Variants in CSTA observed in about 807,000 individuals in gnomAD.
CSTA encodes the protein cystatin-A.
Under a neutral mutation model 9.2 loss-of-function variants are expected in CSTA, and 9 were observed. That is an observed-to-expected ratio of 0.97 (90% CI 0.59 to 1.70). The LOEUF (loss-of-function observed/expected upper bound fraction) is 1.70. Among genes scored for constraint, CSTA ranks in the 40% most tolerant of loss-of-function variants. The pLI is 0.00. For missense variants in CSTA, 118 were observed against 113.1 expected (o/e 1.04, Z -0.20); for synonymous variants, 36 against 40.6 (o/e 0.89, Z 0.43).
chr3:122,334,805 T>C (rs2075227247), intron 1 of CSTA, among the ~76,000 whole-genome samples: 1 of 152,190 alleles, frequency 6.6e-6, no homozygotes, highest in Admixed American at 6.5e-5. Flanking sequence ...CTGAGCAGTC[T>C]AAACAGAAGC....
intron 2 of CSTA, among the ~76,000 whole-genome samples, chr3:122,338,829 A>G (rs1030015357): frequency 6.6e-6 from 1 of 152,224 alleles, no homozygotes; most frequent in African/African-American, 2.4e-5. Context: ...TAAATTTCAC[A>G]TATTACCAGC....
At chr3:122,337,670 T>C (rs1472103014) in intron 2 of CSTA, 22 bp downstream of exon 2, 2 of 1,392,180 alleles carry the variant, frequency 1.4e-6, no homozygotes, top group Admixed American at 1.7e-5. Context: ...GCACCTACTT[T>C]AGCGCCAAAA....
chr3:122,340,032 T>C (rs778597330), intron 2 of CSTA, among the ~76,000 whole-genome samples: 30 of 152,220 alleles, frequency 2.0e-4, no homozygotes, highest in Non-Finnish European at 3.8e-4. Flanking sequence ...TTCAGGCCTA[T>C]AATATAGGTT....
intron 1 of CSTA, among the ~76,000 whole-genome samples, chr3:122,329,204 G>T (rs1267017508): frequency 1.3e-5 from 2 of 151,894 alleles, no homozygotes; most frequent in East Asian, 4.0e-4. Flanking sequence ...CTGACCTCAT[G>T]ATCCACCCGC....
At chr3:122,336,863 C>G (rs2075239519) in intron 1 of CSTA, among the ~76,000 whole-genome samples, 1 of 152,104 alleles carries the variant, frequency 6.6e-6, no homozygotes, top group Non-Finnish European at 1.5e-5. Flanking sequence ...GGAGATCACA[C>G]AAACCTAAAT....
intron 1 of CSTA, among the ~76,000 whole-genome samples, chr3:122,331,006 A>G (rs192499649): frequency 1.9e-4 from 29 of 152,124 alleles, no homozygotes; most frequent in Admixed American, 1.6e-3. Flanking sequence ...AAGCATTTTG[A>G]TGAGAATTGT....
intron 2 of CSTA, chr3:122,338,355 T>C (rs905130861): frequency 6.6e-6 from 1 of 152,204 alleles, no homozygotes; most frequent in East Asian, 1.9e-4. Context: ...AAGAAGATGA[T>C]AATGCTGATT....
intron 1 of CSTA, among the ~76,000 whole-genome samples, chr3:122,329,756 A>G (rs559114936): frequency 1.3e-5 from 2 of 152,334 alleles, no homozygotes; most frequent in South Asian, 4.1e-4. Flanking sequence ...GATATCTGGA[A>G]CATAATATAA....
At chr3:122,339,243 C>T (rs1278911716) in intron 2 of CSTA, among the ~76,000 whole-genome samples, 1 of 152,222 alleles carries the variant, frequency 6.6e-6, no homozygotes, top group African/African-American at 2.4e-5. Context: ...ATTCCCTTAT[C>T]TGCACAATGA....
chr3:122,326,282 A>T (rs1257824765), intron 1 of CSTA, among the ~76,000 whole-genome samples: 2 of 152,174 alleles, frequency 1.3e-5, no homozygotes, highest in Non-Finnish European at 2.9e-5. Flanking sequence ...CCACTCACCT[A>T]GGCTTCCCAA....
Position 122,341,869 on chromosome 3 carries a change from G to A in CSTA, c.*302G>A. Reference sequence around the variant, plus strand: ...CCCCACCATAGGCAGGCTGGATCGTGGACTATCAATTCACCAGCCTCCTTG... The same window carrying A: ...CCCCACCATAGGCAGGCTGGATCGTAGACTATCAATTCACCAGCCTCCTTG... On this transcript the variant is annotated 3_prime_UTR_variant, in exon 3 of 3. Transcript: ENST00000264474. The A allele has an allele frequency of 2.7e-6, 1 of 365,746 alleles. No homozygotes were observed. The highest frequency in any genetic ancestry group is 4.1e-5 in the Admixed American group (1 of 24,362). The allele number at this position is 365,746 out of a possible 1,614,324, so 22.7% of individuals were successfully genotyped here.
chr3:122,339,087 A>G (rs2075250883), intron 2 of CSTA, among the ~76,000 whole-genome samples: 2 of 152,158 alleles, frequency 1.3e-5, no homozygotes, highest in South Asian at 2.1e-4. Context: ...CTTGCCAGTG[A>G]TGTGACCTTC....
chr3:122,339,858 A>C (rs566641690), intron 2 of CSTA, among the ~76,000 whole-genome samples: 2 of 152,264 alleles, frequency 1.3e-5, no homozygotes, highest in South Asian at 4.1e-4. Flanking sequence ...AGTACCCCCC[A>C]AAAATGTTAC....
chr3:122,337,751 C>G, intron 2 of CSTA, 103 bp downstream of exon 2: 1 of 881,536 alleles, frequency 1.1e-6, no homozygotes. Flanking sequence ...TACGGTTGTC[C>G]TAAATTAAGA....
At chr3:122,336,716 G>A (rs893337888) in intron 1 of CSTA, among the ~76,000 whole-genome samples, 13 of 152,178 alleles carry the variant, frequency 8.5e-5, no homozygotes, top group South Asian at 2.1e-4. Context: ...TAACTTTACC[G>A]TGGAGAAACC....
chr3:122,326,122 G>A (rs1331455949), intron 1 of CSTA, among the ~76,000 whole-genome samples: 4 of 148,922 alleles, frequency 2.7e-5, no homozygotes, highest in Non-Finnish European at 6.0e-5. Flanking sequence ...GAGTTCAAGC[G>A]ATCCTCCCCA....
chr3:122,326,383 T>A (rs939684135), intron 1 of CSTA, among the ~76,000 whole-genome samples: 5 of 152,258 alleles, frequency 3.3e-5, no homozygotes, highest in Admixed American at 6.5e-5. Flanking sequence ...GTAGTAAACA[T>A]TTATTTGCAT....
At chr3:122,328,711 G>C (rs1423152806) in intron 1 of CSTA, among the ~76,000 whole-genome samples, 2 of 148,808 alleles carry the variant, frequency 1.3e-5, no homozygotes, top group Non-Finnish European at 3.0e-5. Context: ...CAAGGCAGGC[G>C]GATCACCTGA....
intron 1 of CSTA, 112 bp downstream of exon 1, chr3:122,325,470 CT>C: frequency 1.9e-6 from 2 of 1,049,398 alleles, no homozygotes; most frequent in Non-Finnish European, 2.9e-6. Flanking sequence ...ATGTTTGTGG[CT>C]TTGTTCAGGT....
Sources: gnomAD v4.1 joint callset for allele counts (sites outside exome capture counted in the v4.1 genomes callset) on GRCh38, gnomAD v4.1.1 for gene constraint, MANE v1.5 for transcripts, NCBI Gene and HGNC (gene_info 2026-07-23, HGNC 2026-07-21) for gene names.